The following CSMD1 variants were observed in gnomAD, a reference collection of about 807,000 sequenced individuals.
CSMD1 encodes the protein CUB and sushi domain-containing protein 1.
Under a neutral mutation model 417.5 loss-of-function variants are expected in CSMD1, and 213 were observed. The observed-to-expected ratio is 0.51, with a 90% CI of 0.46 to 0.57. The LOEUF (loss-of-function observed/expected upper bound fraction) is 0.57. CSMD1 is among the 20% of genes least tolerant of loss of function. CSMD1 has a pLI of 0.00. For missense variants in CSMD1, 6,923 were observed against 4,529.7 expected (o/e 1.53, Z -15.17); for synonymous variants, 2,862 against 1,736.8 (o/e 1.65, Z -16.11).
rs576331816 is a variant in CSMD1, at chr8:4,074,370, G to T, written c.416-42271C>A. ...AAAATGTAGTATTTAGTCCATAAAT[G>T]ATAGCAGTATTTTCAATGTCTATCT... is the stretch of plus-strand genomic sequence containing the variant. On this transcript the variant is annotated intron_variant, in intron 3 of 69. Transcript: ENST00000635120. Among the ~76,000 whole-genome samples, 75 of 152,160 alleles carry T rather than the reference G, an allele frequency of 4.9e-4. 1 individual carries two copies. In the South Asian group the frequency reaches 7.5e-3, roughly 15 times the overall value.
At chr8:4,636,823 C>A (rs1243244161) in intron 2 of CSMD1, among the ~76,000 whole-genome samples, 3 of 152,096 alleles carry the variant, frequency 2.0e-5, no homozygotes, top group Non-Finnish European at 4.4e-5. Context: ...GCCAGCTGGA[C>A]TTCTTGCATT....
At chr8:4,223,807 C>A (rs1228950452) in intron 3 of CSMD1, among the ~76,000 whole-genome samples, 1 of 152,168 alleles carries the variant, frequency 6.6e-6, no homozygotes, top group Non-Finnish European at 1.5e-5. Context: ...TGGCCAATAA[C>A]AACCAGTGAA....
chr8:3,546,157 T>G (rs1053044645), intron 10 of CSMD1, among the ~76,000 whole-genome samples: 2 of 150,788 alleles, frequency 1.3e-5, no homozygotes, highest in Admixed American at 1.3e-4. Flanking sequence ...AAGGTCATCA[T>G]GTATTTGTTT....
intron 14 of CSMD1, among the ~76,000 whole-genome samples, chr8:3,406,490 G>C (rs748043713): frequency 6.6e-6 from 1 of 152,114 alleles, no homozygotes. Context: ...TAGGAGCTTA[G>C]ACAAAGAGAG....
At chr8:4,202,095 G>GTT (rs5889026) in intron 3 of CSMD1, among the ~76,000 whole-genome samples, 20 of 151,772 alleles carry the variant, frequency 1.3e-4, no homozygotes, top group South Asian at 2.1e-4. Context: ...AGTAAATTTT[G>GTT]TTTTTTTGTT....
chr8:4,257,507 G>C (rs1294235838), intron 3 of CSMD1, among the ~76,000 whole-genome samples: 6 of 151,650 alleles, frequency 4.0e-5, no homozygotes, highest in Admixed American at 1.3e-4. Context: ...ATATTTCCTA[G>C]CCCTTTTTCA....
chr8:3,926,110 C>CACACACACACACACACACACCAT, intron 5 of CSMD1, among the ~76,000 whole-genome samples: 1 of 79,272 alleles, frequency 1.3e-5, no homozygotes. Flanking sequence ...CACACACACA[C>CACACACACACACACACACACCAT]ACACACACAC....
chr8:3,790,974 ATTC>A (rs1215436116), intron 5 of CSMD1, among the ~76,000 whole-genome samples: 1 of 152,176 alleles, frequency 6.6e-6, no homozygotes, highest in Non-Finnish European at 1.5e-5. Flanking sequence ...GGTCAAAAAT[ATTC>A]TTCAATTATA....
chr8:4,400,115 T>C (rs1199963722), intron 3 of CSMD1, among the ~76,000 whole-genome samples: 2 of 152,176 alleles, frequency 1.3e-5, no homozygotes, highest in African/African-American at 4.8e-5. Context: ...GTGTATACTC[T>C]CTGCTCTATA....
intron 1 of CSMD1, among the ~76,000 whole-genome samples, chr8:4,857,451 C>T (rs556523015): frequency 1.1e-3 from 170 of 152,182 alleles, no homozygotes; most frequent in Non-Finnish European, 1.9e-3. Flanking sequence ...ATACAAAAAA[C>T]CCTTCAAAAA....
chr8:3,268,289 A>ATTTTTTTT (rs1163842745), intron 26 of CSMD1, among the ~76,000 whole-genome samples: 4 of 84,270 alleles, frequency 4.7e-5, no homozygotes, highest in East Asian at 3.5e-4. Flanking sequence ...TTCATTTCCT[A>ATTTTTTTT]TTTTTTTTTT....
At chr8:4,718,028 A>C (rs1186096443) in intron 1 of CSMD1, among the ~76,000 whole-genome samples, 1 of 152,110 alleles carries the variant, frequency 6.6e-6, no homozygotes. Context: ...CCCAGGCTGG[A>C]GGGCAGTGGC....
chr8:4,218,052 T>C (rs991201429), intron 3 of CSMD1, among the ~76,000 whole-genome samples: 7 of 152,186 alleles, frequency 4.6e-5, no homozygotes, highest in African/African-American at 1.7e-4. Context: ...GGCAGTGGCT[T>C]ATTAACCCAC....
At chr8:4,943,984 C>G (rs958195799) in intron 1 of CSMD1, among the ~76,000 whole-genome samples, 2 of 152,074 alleles carry the variant, frequency 1.3e-5, no homozygotes, top group African/African-American at 2.4e-5. Context: ...ACAAGACATA[C>G]TGGCGGTTGT....
At chr8:4,526,725 C>T (rs144495663) in intron 2 of CSMD1, among the ~76,000 whole-genome samples, 528 of 152,226 alleles carry the variant, frequency 3.5e-3, no homozygotes, top group Non-Finnish European at 5.4e-3. Context: ...CTTAAATTTG[C>T]TTTCATATTT....
chr8:3,948,738 TAATC>T (rs1389354207), intron 5 of CSMD1, among the ~76,000 whole-genome samples: 1 of 152,186 alleles, frequency 6.6e-6, no homozygotes. Context: ...TACAGTGACT[TAATC>T]AGCTAGAAAA....
At chr8:4,466,012 A>G (rs1053751551) in intron 2 of CSMD1, among the ~76,000 whole-genome samples, 1 of 152,230 alleles carries the variant, frequency 6.6e-6, no homozygotes, top group African/African-American at 2.4e-5. Flanking sequence ...AAGATGTGCA[A>G]TCACATTTGG....
chr8:4,381,297 C>G (rs1424926828), intron 3 of CSMD1, among the ~76,000 whole-genome samples: 1 of 152,068 alleles, frequency 6.6e-6, no homozygotes, highest in East Asian at 1.9e-4. Flanking sequence ...TTGGGGAAAC[C>G]ACTGGGTGGG....
chr8:4,889,304 G>C (rs1051267979), intron 1 of CSMD1, among the ~76,000 whole-genome samples: 1 of 152,042 alleles, frequency 6.6e-6, no homozygotes, highest in Non-Finnish European at 1.5e-5. Context: ...AAACATTAGA[G>C]AAACTCAAAT....
Sources: allele counts gnomAD v4.1 joint callset (sites outside exome capture counted in the v4.1 genomes callset), GRCh38; gene constraint gnomAD v4.1.1; transcripts MANE v1.5; gene names NCBI Gene and HGNC (gene_info 2026-07-23, HGNC 2026-07-21).